BRWD1: variants seen among roughly 807,000 people sequenced by gnomAD.
BRWD1 encodes the protein bromodomain and WD repeat-containing protein 1.
BRWD1 carries 82 observed loss-of-function variants against 251.2 expected under a neutral mutation model. That is an observed-to-expected ratio of 0.33 (90% confidence interval 0.27 to 0.39). The LOEUF is 0.39. BRWD1 is among the 10% of genes least tolerant of loss of function. The probability of loss-of-function intolerance (pLI) is 1.00; values close to 1 mark genes in which losing one functional copy is unlikely to be tolerated. For missense variants in BRWD1, 2,233 were observed against 2,711.6 expected, an observed-to-expected ratio of 0.82 and a Z score of 3.92; for synonymous variants, 918 against 902.8, an observed-to-expected ratio of 1.02 and a Z score of -0.30.
intron 13 of BRWD1, among the ~76,000 whole-genome samples, chr21:39,270,754 C>T (rs750387314): frequency 4.6e-5 from 7 of 152,216 alleles, no homozygotes; most frequent in Non-Finnish European, 1.0e-4. Context: ...AAACCTATTG[C>T]TAACACTTAC....
intron 27 of BRWD1, among the ~76,000 whole-genome samples, chr21:39,225,978 ATAAAT>A (rs1177052753): frequency 6.6e-6 from 1 of 152,192 alleles, no homozygotes. Context: ...TGTAATAATA[ATAAAT>A]TATTGTCATA....
rs2031457338 is a variant in BRWD1, at chr21:39,189,917, G to C, written c.*6342C>G. On this transcript the variant is annotated 3_prime_UTR_variant, in exon 41 of 41. Coordinates refer to ENST00000342449, the MANE Select transcript of BRWD1 (RefSeq NM_033656.4). ...CTAAGAAGTCAGTAGAATCCCACCA[G>C]TCCTACTGCCTCAGATGAGTCTTGT... is the stretch of plus-strand genomic sequence containing the variant. 1.0e-6 allele frequency: 1 copy of C among 985,232 alleles called. No individual in the cohort carries two copies. The highest frequency in any genetic ancestry group is 1.7e-5 in the African/African-American group (1 of 57,238). The allele number at this position is 985,232 out of a possible 1,614,324, so 61.0% of individuals were successfully genotyped here.
At chr21:39,296,495 G>A in intron 5 of BRWD1, 132 bp from the exon 6 acceptor site, 3 of 1,263,874 alleles carry the variant, frequency 2.4e-6, no homozygotes, top group Non-Finnish European at 2.0e-6. Flanking sequence ...TAACAGAAAA[G>A]CCCTGGAGGT....
At chr21:39,299,578 G>A (rs182544751) in intron 4 of BRWD1, among the ~76,000 whole-genome samples, 2 of 152,138 alleles carry the variant, frequency 1.3e-5, no homozygotes, top group African/African-American at 4.8e-5. Flanking sequence ...AATGAGAATA[G>A]GCTGGATAAA....
rs2031541713 is a variant in BRWD1, at chr21:39,191,320, C to G, written c.*4939G>C. 1.0e-6 allele frequency: 1 copy of G among 985,102 alleles called. No individual in the cohort carries two copies. The highest frequency in any genetic ancestry group is 1.2e-6 in the Non-Finnish European group (1 of 829,888). The allele number at this position is 985,102 out of a possible 1,614,324, so 61.0% of individuals were successfully genotyped here. ...ATTCTGCCTGCATGAAAAGAAATTA[C>G]CAGTGGAAAAGAGGTTGGGGAACCA... On this transcript the variant is annotated 3_prime_UTR_variant, in exon 41 of 41. Transcript: ENST00000342449.
chr21:39,245,719 C>G (rs1310731605), intron 21 of BRWD1, among the ~76,000 whole-genome samples: 1 of 151,944 alleles, frequency 6.6e-6, no homozygotes, highest in Admixed American at 6.6e-5. Context: ...CCTGCCTCAG[C>G]CTCCCAAATA....
intron 11 of BRWD1, 44 bp downstream of exon 11, chr21:39,277,207 G>T: frequency 7.1e-7 from 1 of 1,405,314 alleles, no homozygotes; most frequent in Non-Finnish European, 9.9e-7. Flanking sequence ...AACAGGAATA[G>T]TATTAACAAT....
rs558991758 is a variant in BRWD1, at chr21:39,196,491, G to T, written c.6578C>A (p.Thr2193Asn). The T allele has an allele frequency of 2.3e-5, 37 of 1,613,318 alleles. No homozygotes were observed. The highest frequency in any genetic ancestry group is 2.2e-4 in the South Asian group (20 of 91,004). ...GKAKVVRKGK[T>N]FTANISKTVR... ...AGTTTTAGATATGTTAGCTGTAAAA[G>T]TTTTACCTTTTCTAACTACTTTTGC... Residue 2193 changes from threonine (T) to asparagine (N), a missense_variant, in exon 41 of 41, where the codon ACT becomes AAT. Physicochemically the swap from Thr to Asn is moderately conservative, Grantham distance 65 (BLOSUM62 0). Around this residue, in one of 12 missense-constraint regions of BRWD1, gnomAD observed 928 missense variants for 970.0 expected, o/e 0.96. Transcript: ENST00000342449.
Position 39,306,982 on chromosome 21 carries a change from T to C in BRWD1, c.198+5859A>G, listed in dbSNP as rs961494009. Among the ~76,000 whole-genome samples the C allele has an allele frequency of 2.6e-5, 4 of 152,214 alleles. No homozygotes were observed. In the East Asian group the frequency reaches 7.7e-4, roughly 29 times the overall value. ...GATTCTCCTGCCTCAGCCTCCCAAG[T>C]AGCTGGGATTACAGGCACCTGCCAC... On this transcript the variant is annotated intron_variant, in intron 4 of 40. Transcript: ENST00000342449.
At position 39,189,113 on chromosome 21, in the gene BRWD1, AGCAAAT is replaced by A; in HGVS notation, c.*7140_*7145del. The A allele has an allele frequency of 1.0e-6, 1 of 984,282 alleles. No homozygotes were observed. The highest frequency in any genetic ancestry group is 1.2e-6 in the Non-Finnish European group (1 of 828,824). The allele number at this position is 984,282 out of a possible 1,614,324, so 61.0% of individuals were successfully genotyped here. On this transcript the variant is annotated 3_prime_UTR_variant, in exon 41 of 41. Transcript: ENST00000342449. ...ATCTTTAACACATTAAATCAATGTTAGCAAATGCTAAAATGTAAATATGCTACAAAG... is the reference window on the plus strand; with the variant it reads ...ATCTTTAACACATTAAATCAATGTTAGCTAAAATGTAAATATGCTACAAAG...
intron 8 of BRWD1, among the ~76,000 whole-genome samples, chr21:39,289,795 C>T (rs867841617): frequency 2.6e-5 from 4 of 151,886 alleles, no homozygotes; most frequent in African/African-American, 4.8e-5. Flanking sequence ...GAGGCCGAGG[C>T]GGGCGGATCA....
intron 1 of BRWD1, among the ~76,000 whole-genome samples, chr21:39,318,925 T>G (rs974035530): frequency 3.3e-5 from 5 of 152,154 alleles, no homozygotes; most frequent in Admixed American, 1.3e-4. Flanking sequence ...GAGTTAACAC[T>G]TCGATAGATT....
chr21:39,206,111 A>C lies in BRWD1; in HGVS notation c.4361T>G (p.Ile1454Ser). 1 of 1,605,268 alleles carries C rather than the reference A, an allele frequency of 6.2e-7. No individual in the cohort carries two copies. Among genetic ancestry groups the C allele is most frequent in the South Asian group, 1.1e-5 (1 of 88,860 alleles). The stretch of plus-strand genomic sequence containing the variant: ...AAGCTTGCCATAACCAGTTTACCTG[A>C]TACTTTTGTTAGGCTGACTGTCACC... ...CKGDSQPNKS[I>S]RNLKPKRLKS... Residue 1454 changes from isoleucine to serine, a missense_variant, in exon 37 of 41, where the codon ATC (isoleucine) becomes AGC (serine). Transcript: ENST00000342449.
chr21:39,244,968 G>A (rs1020729553), intron 21 of BRWD1, among the ~76,000 whole-genome samples: 3 of 105,942 alleles, frequency 2.8e-5, no homozygotes, highest in Non-Finnish European at 6.2e-5. Flanking sequence ...AAGAGAAAAA[G>A]GTCAACCAGC....
At chr21:39,283,756 A>C (rs547050589) in intron 8 of BRWD1, among the ~76,000 whole-genome samples, 2 of 152,180 alleles carry the variant, frequency 1.3e-5, no homozygotes, top group African/African-American at 4.8e-5. Context: ...GCAACATTTC[A>C]TCAATTGCAG....
Position 39,203,465 on chromosome 21 carries a change from G to A in BRWD1, c.4365-920C>T, listed in dbSNP as rs1170865556. Among the ~76,000 whole-genome samples, 4 of 55,756 alleles carry A rather than the reference G, an allele frequency of 7.2e-5. No individual in the cohort carries two copies. The South Asian group carries it at 1.4e-3, about 20-fold the overall frequency. The allele number at this position is 55,756 out of a possible 152,430, so 36.6% of individuals were successfully genotyped here. ...TTTTTTTTTTTTTTTTTTTTTTTGA[G>A]ACAGAGTCTCTGCTCACTGCAAGCT... On this transcript the variant is annotated intron_variant, in intron 37 of 40. Transcript: ENST00000342449.
intron 4 of BRWD1, among the ~76,000 whole-genome samples, chr21:39,311,529 G>A (rs1345878160): frequency 6.6e-6 from 1 of 152,126 alleles, no homozygotes; most frequent in Admixed American, 6.6e-5. Context: ...TTTCTCTCAG[G>A]TAGCACGACA....
At chr21:39,218,435 A>T in intron 30 of BRWD1, 70 bp downstream of exon 30, 1 of 1,452,524 alleles carries the variant, frequency 6.9e-7, no homozygotes, top group Non-Finnish European at 9.2e-7. Flanking sequence ...CAATTATGCT[A>T]GTATTTTTAA....
At position 39,313,613 on chromosome 21, in the gene BRWD1, C is replaced by T; in HGVS notation, c.-122G>A. The T allele has an allele frequency of 2.6e-6, 2 of 780,826 alleles. No homozygotes were observed. The highest frequency in any genetic ancestry group is 3.5e-6 in the Non-Finnish European group (2 of 579,164). The allele number at this position is 780,826 out of a possible 1,614,324, so 48.4% of individuals were successfully genotyped here. ...CGCGCCGCCGCCGCCGCCGCCGCCG[C>T]CATACCGTGCGCGCCGCCTGGACCG... is the stretch of plus-strand genomic sequence containing the variant. On this transcript the variant is annotated 5_prime_UTR_variant, in exon 1 of 41. Coordinates refer to ENST00000342449, the MANE Select transcript of BRWD1 (RefSeq NM_033656.4).
Sources: allele counts gnomAD v4.1 joint callset (sites outside exome capture counted in the v4.1 genomes callset), GRCh38; gene constraint gnomAD v4.1.1; regional missense constraint gnomAD v4.1.1; transcripts MANE v1.5; gene names NCBI Gene and HGNC (gene_info 2026-07-23, HGNC 2026-07-21).